The following SNTG1 variants were observed in gnomAD, a reference collection of about 807,000 sequenced individuals.
SNTG1 encodes the protein gamma-1-syntrophin.
A neutral mutation model predicts 74.7 loss-of-function variants in SNTG1; 39 were observed. The observed-to-expected ratio is 0.52, with a 90% CI of 0.40 to 0.68. The LOEUF (loss-of-function observed/expected upper bound fraction) is 0.68. Among genes scored for constraint, SNTG1 ranks in the 30% least tolerant of loss-of-function variants. SNTG1 has a pLI of 0.00. For synonymous variants in SNTG1, 254 were observed against 217.1 expected (o/e 1.17, Z -1.49); for missense variants, 685 against 609.5 (o/e 1.12, Z -1.30).
At position 50,503,625 on chromosome 8, in the gene SNTG1, T is replaced by G. The variant is rs181504459; in HGVS notation, c.466+745T>G. ...CTTTACAGAATGGAATTATACTTAATTTTTTATTCTGGCGTCTTTCATTAT... is the reference window on the plus strand; with the variant it reads ...CTTTACAGAATGGAATTATACTTAAGTTTTTATTCTGGCGTCTTTCATTAT... On this transcript the variant is annotated intron_variant, in intron 9 of 18. Coordinates refer to ENST00000642720, the MANE Select transcript of SNTG1 (RefSeq NM_018967.5). Among the ~76,000 whole-genome samples, 8 of 152,346 alleles carry G rather than the reference T, an allele frequency of 5.3e-5. No homozygotes were observed. The East Asian group carries it at 1.5e-3, about 29-fold the overall frequency.
At chr8:49,999,586 A>G (rs937419549) in intron 1 of SNTG1, among the ~76,000 whole-genome samples, 7 of 152,130 alleles carry the variant, frequency 4.6e-5, no homozygotes, top group Non-Finnish European at 1.0e-4. Flanking sequence ...CTAGGCCTAC[A>G]TGGGCCTCTT....
At chr8:49,913,673 T>C (rs1212934033) in intron 1 of SNTG1, among the ~76,000 whole-genome samples, 2 of 152,200 alleles carry the variant, frequency 1.3e-5, no homozygotes, top group African/African-American at 4.8e-5. Flanking sequence ...CCAGAAAACC[T>C]ACAATGTGCT....
chr8:50,753,266 T>C (rs942017470), intron 18 of SNTG1, among the ~76,000 whole-genome samples: 1 of 151,970 alleles, frequency 6.6e-6, no homozygotes. Context: ...GATCAATCAT[T>C]TACTTTGTGC....
At chr8:50,583,333 C>T (rs1414049586) in intron 12 of SNTG1, among the ~76,000 whole-genome samples, 10 of 137,070 alleles carry the variant, frequency 7.3e-5, no homozygotes, top group South Asian at 2.3e-4. Context: ...ACCTGGGAGG[C>T]GGAGGCTGGA....
intron 13 of SNTG1, among the ~76,000 whole-genome samples, chr8:50,632,351 T>C (rs12682223): frequency 0.24 from 36,646 of 151,548 alleles, 8,918 homozygotes; most frequent in African/African-American, 0.63. Flanking sequence ...CACTCTGTTG[T>C]CCAGGTTGGA....
At chr8:50,714,967 A>G (rs1428018110) in intron 17 of SNTG1, among the ~76,000 whole-genome samples, 1 of 152,198 alleles carries the variant, frequency 6.6e-6, no homozygotes, top group African/African-American at 2.4e-5. Flanking sequence ...AAAAACCGTA[A>G]AAGGTAGATA....
At chr8:50,339,093 T>A (rs1388411523) in intron 2 of SNTG1, among the ~76,000 whole-genome samples, 2 of 152,112 alleles carry the variant, frequency 1.3e-5, no homozygotes. Flanking sequence ...AGGAATTACA[T>A]TGGACTTCTC....
intron 2 of SNTG1, among the ~76,000 whole-genome samples, chr8:50,223,604 A>AAGAT (rs2085177129): frequency 1.3e-5 from 2 of 152,120 alleles, no homozygotes; most frequent in African/African-American, 4.8e-5. Flanking sequence ...TTAAATGCAA[A>AAGAT]AGATAATAAT....
intron 2 of SNTG1, among the ~76,000 whole-genome samples, chr8:50,269,844 A>G (rs921434350): frequency 2.2e-4 from 33 of 152,270 alleles, no homozygotes; most frequent in Middle Eastern, 3.4e-3. Context: ...AGTTACATAA[A>G]AGACGTATAC....
intron 1 of SNTG1, among the ~76,000 whole-genome samples, chr8:50,152,671 A>T (rs1490100724): frequency 6.6e-6 from 1 of 152,168 alleles, no homozygotes; most frequent in East Asian, 1.9e-4. Context: ...TATGAAACTT[A>T]ATTTGACTGG....
intron 13 of SNTG1, among the ~76,000 whole-genome samples, chr8:50,647,180 A>G (rs1364637848): frequency 6.6e-6 from 1 of 152,114 alleles, no homozygotes; most frequent in African/African-American, 2.4e-5. Context: ...CAACACAAAA[A>G]CCATAATCCA....
intron 2 of SNTG1, among the ~76,000 whole-genome samples, chr8:50,201,107 C>G (rs898686016): frequency 6.6e-6 from 1 of 152,022 alleles, no homozygotes; most frequent in Non-Finnish European, 1.5e-5. Flanking sequence ...AATATGTTAT[C>G]AAGTCCTTCT....
chr8:50,716,109 T>A (rs2095474352), intron 17 of SNTG1, among the ~76,000 whole-genome samples: 1 of 152,158 alleles, frequency 6.6e-6, no homozygotes, highest in Admixed American at 6.5e-5. Context: ...ATACACACAC[T>A]TTATTACACA....
intron 13 of SNTG1, among the ~76,000 whole-genome samples, chr8:50,593,352 C>G (rs2094704762): frequency 6.6e-6 from 1 of 151,820 alleles, no homozygotes. Context: ...GAGTTGGGCC[C>G]AAAATTATAA....
chr8:50,579,908 G>T (rs966988624), intron 12 of SNTG1, among the ~76,000 whole-genome samples: 1 of 152,144 alleles, frequency 6.6e-6, no homozygotes, highest in Non-Finnish European at 1.5e-5. Context: ...GGTAGGCACT[G>T]CCCAGTGGAG....
intron 1 of SNTG1, among the ~76,000 whole-genome samples, chr8:49,970,237 C>T (rs546982756): frequency 6.6e-6 from 1 of 152,110 alleles, no homozygotes; most frequent in African/African-American, 2.4e-5. Flanking sequence ...GAGATCATCA[C>T]GAGGAAATTT....
chr8:50,480,531 C>T (rs1457137124), intron 8 of SNTG1, among the ~76,000 whole-genome samples: 2 of 152,068 alleles, frequency 1.3e-5, no homozygotes, highest in Admixed American at 1.3e-4. Flanking sequence ...ATCACACAAT[C>T]CAAGGAAGTA....
At chr8:50,461,199 G>A (rs1053270303) in intron 8 of SNTG1, among the ~76,000 whole-genome samples, 5 of 144,830 alleles carry the variant, frequency 3.5e-5, no homozygotes, top group Admixed American at 1.4e-4. Context: ...GTGTGTGTGT[G>A]TGTGTGACTG....
chr8:50,214,006 T>C (rs2084651486), intron 2 of SNTG1, among the ~76,000 whole-genome samples: 1 of 152,062 alleles, frequency 6.6e-6, no homozygotes, highest in African/African-American at 2.4e-5. Context: ...TCCTTCCCCA[T>C]GCCTATGTCC....
Sources: allele counts gnomAD v4.1 joint callset (sites outside exome capture counted in the v4.1 genomes callset), GRCh38; gene constraint gnomAD v4.1.1; transcripts MANE v1.5; gene names NCBI Gene and HGNC (gene_info 2026-07-23, HGNC 2026-07-21).